Variants in MED12L observed in about 807,000 individuals in gnomAD.
MED12L encodes the protein mediator of RNA polymerase II transcription subunit 12-like protein.
A neutral mutation model predicts 281.3 loss-of-function variants in MED12L; 60 were observed. That is an observed-to-expected ratio of 0.21 (90% CI 0.17 to 0.26). The LOEUF (loss-of-function observed/expected upper bound fraction) is 0.26, where lower values mean the gene tolerates loss of function less well. Among genes scored for constraint, MED12L ranks in the 10% least tolerant of loss-of-function variants. The pLI is 1.00. For missense variants in MED12L, 2,146 were observed against 2,680.9 expected, an observed-to-expected ratio of 0.80 and a Z score of 4.41; for synonymous variants, 974 against 987.2, an observed-to-expected ratio of 0.99 and a Z score of 0.25.
At chr3:151,318,520 A>T (rs549454827) in intron 16 of MED12L, among the ~76,000 whole-genome samples, 65 of 152,096 alleles carry the variant, frequency 4.3e-4, no homozygotes, top group Non-Finnish European at 8.1e-4. Flanking sequence ...TTGACATTTT[A>T]CTGCCAGAAC....
chr3:151,398,770 G>T (rs1471054914), intron 39 of MED12L, among the ~76,000 whole-genome samples: 1 of 152,162 alleles, frequency 6.6e-6, no homozygotes, highest in African/African-American at 2.4e-5. Flanking sequence ...AAGACCTTCA[G>T]TGATTGCTGA....
chr3:151,348,880 C>G (rs1160572798), intron 16 of MED12L, among the ~76,000 whole-genome samples: 2 of 152,140 alleles, frequency 1.3e-5, no homozygotes, highest in African/African-American at 4.8e-5. Context: ...TTGGACTTCT[C>G]CTAGTCTGAG....
intron 5 of MED12L, among the ~76,000 whole-genome samples, chr3:151,145,753 C>G (rs1368959409): frequency 6.6e-6 from 1 of 152,196 alleles, no homozygotes; most frequent in African/African-American, 2.4e-5. Flanking sequence ...CCCTGCCACC[C>G]CTCCCCAGCT....
intron 39 of MED12L, among the ~76,000 whole-genome samples, chr3:151,398,145 T>C (rs567295537): frequency 2.0e-5 from 3 of 152,242 alleles, no homozygotes; most frequent in South Asian, 2.1e-4. Context: ...AGTTTCTTAG[T>C]AGCCTTAATC....
intron 2 of MED12L, among the ~76,000 whole-genome samples, chr3:151,088,523 T>G (rs1275082210): frequency 6.6e-6 from 1 of 152,192 alleles, no homozygotes; most frequent in East Asian, 1.9e-4. Flanking sequence ...TTGTAATTAA[T>G]GTCTTACTCT....
chr3:151,435,512 A>C lies in MED12L; in HGVS notation c.*2708A>C, dbSNP rs2108510170. 1 of 152,270 alleles carries C rather than the reference A, an allele frequency of 6.6e-6. No homozygotes were observed. Among genetic ancestry groups the C allele is most frequent in the South Asian group, 2.1e-4 (1 of 4,818 alleles). 9.4% of individuals were successfully genotyped at this position (152,270 alleles called of 1,614,324 possible). On this transcript the variant is annotated 3_prime_UTR_variant, in exon 45 of 45. Transcript: ENST00000687756. ...GATGAAAACCCAAGGGCGCTATTCC[A>C]CATGTCTCAAATGATTGGCAGGGGC...
At position 151,434,254 on chromosome 3, in the gene MED12L, G is replaced by A. The variant is rs1364960467; in HGVS notation, c.*1450G>A. On this transcript the variant is annotated 3_prime_UTR_variant, in exon 45 of 45. Transcript: ENST00000687756. ...TTAAAATGTAGCTAGTACAACTTTA[G>A]TAGACATTTTCTTTTGCAAATCATT... The A allele has an allele frequency of 1.3e-5, 2 of 152,080 alleles. No homozygotes were observed. The highest frequency in any genetic ancestry group is 2.9e-5 in the Non-Finnish European group (2 of 68,024). 9.4% of individuals were successfully genotyped at this position (152,080 alleles called of 1,614,324 possible).
At position 151,144,492 on chromosome 3, in the gene MED12L, C is replaced by T. The variant is rs531076631; in HGVS notation, c.557-11669C>T. Among the ~76,000 whole-genome samples the T allele has an allele frequency of 3.3e-5, 5 of 152,272 alleles. No homozygotes were observed. The South Asian group carries it at 1.0e-3, about 32-fold the overall frequency. On this transcript the variant is annotated intron_variant, in intron 5 of 44. Transcript: ENST00000687756. ...GTGCTCTTGTCAGACCCTCCCTTGT[C>T]GACCCCTCTCCCCTATTTTTGTATC...
At position 151,337,655 on chromosome 3, in the gene MED12L, A is replaced by G. The variant is rs943018779; in HGVS notation, c.2251-12404A>G. The G allele has an allele frequency of 1.7e-5, 12 of 696,490 alleles. No individual in the cohort carries two copies. In the Admixed American group the frequency reaches 2.4e-4, roughly 14 times the overall value. 43.1% of individuals were successfully genotyped at this position (696,490 alleles called of 1,614,324 possible). A position where few individuals can be genotyped will look rare whatever the true frequency, so the allele number is the denominator to read the frequency against. ...TTTCTATATTTTAAGATAGCTTTTC[A>G]TACTGGAAAGGTAAATGAAAATTGC... On this transcript the variant is annotated intron_variant, in intron 16 of 44. Coordinates refer to ENST00000687756, the MANE Select transcript of MED12L (RefSeq NM_001393769.1).
At chr3:151,295,116 CAA>C in intron 16 of MED12L, 1 of 1,613,584 alleles carries the variant, frequency 6.2e-7, no homozygotes, top group Non-Finnish European at 8.5e-7. Flanking sequence ...ACCGGCAAGA[CAA>C]TTGTGTCAAA....
At chr3:151,370,402 A>T (rs1222693324) in intron 26 of MED12L, among the ~76,000 whole-genome samples, 1 of 152,158 alleles carries the variant, frequency 6.6e-6, no homozygotes, top group East Asian at 1.9e-4. Context: ...TTTGGGCTAT[A>T]ATCTTGCTCT....
At chr3:151,100,946 A>G (rs1721314131) in intron 2 of MED12L, among the ~76,000 whole-genome samples, 1 of 152,226 alleles carries the variant, frequency 6.6e-6, no homozygotes. Context: ...GTGGCGAAGG[A>G]TCAGTTTTTA....
intron 39 of MED12L, among the ~76,000 whole-genome samples, chr3:151,403,168 A>G (rs1300508746): frequency 6.6e-6 from 1 of 152,168 alleles, no homozygotes; most frequent in Admixed American, 6.5e-5. Flanking sequence ...AGAATCATGA[A>G]TGCATTGACC....
intron 2 of MED12L, among the ~76,000 whole-genome samples, chr3:151,090,442 C>T (rs73012978): frequency 0.048 from 7,314 of 152,156 alleles, 599 homozygotes; most frequent in African/African-American, 0.17. Flanking sequence ...ATCTTGCCAT[C>T]TCCCCCTAAT....
chr3:151,406,871 G>A (rs1254391964), intron 39 of MED12L, among the ~76,000 whole-genome samples: 3 of 150,100 alleles, frequency 2.0e-5, no homozygotes, highest in Non-Finnish European at 3.0e-5. Flanking sequence ...CACGATCTTG[G>A]CTCACTGCAA....
chr3:151,434,320 T>A lies in MED12L; in HGVS notation c.*1516T>A, dbSNP rs1472017120. The A allele has an allele frequency of 6.6e-6, 1 of 152,196 alleles. No individual in the cohort carries two copies. Among genetic ancestry groups the A allele is most frequent in the Non-Finnish European group, 1.5e-5 (1 of 68,036 alleles). The allele number at this position is 152,196 out of a possible 1,614,324, so 9.4% of individuals were successfully genotyped here. A position where few individuals can be genotyped will look rare whatever the true frequency, so the allele number is the denominator to read the frequency against. Reference sequence around the variant, plus strand: ...ATATCTTCCTGGGTGAGTTACTCATTGCAAAGTTTGACTCATGCAAATGAC... The same window carrying A: ...ATATCTTCCTGGGTGAGTTACTCATAGCAAAGTTTGACTCATGCAAATGAC... On this transcript the variant is annotated 3_prime_UTR_variant, in exon 45 of 45. Coordinates refer to ENST00000687756, the MANE Select transcript of MED12L (RefSeq NM_001393769.1).
intron 16 of MED12L, among the ~76,000 whole-genome samples, chr3:151,243,080 G>C (rs1734559082): frequency 6.6e-6 from 1 of 151,050 alleles, no homozygotes; most frequent in Admixed American, 6.6e-5. Flanking sequence ...AGAATAAAAA[G>C]AAATGAGCAA....
At chr3:151,314,484 A>G (rs926489823) in intron 16 of MED12L, among the ~76,000 whole-genome samples, 2 of 152,178 alleles carry the variant, frequency 1.3e-5, no homozygotes, top group African/African-American at 4.8e-5. Context: ...CCTGCTTTAG[A>G]TAGTTACAAG....
intron 5 of MED12L, among the ~76,000 whole-genome samples, chr3:151,151,867 T>G (rs1430864368): frequency 2.6e-5 from 4 of 152,126 alleles, no homozygotes; most frequent in Admixed American, 2.6e-4. Context: ...ACCTTCAGTT[T>G]CTTAAAAAAT....
Sources: allele counts gnomAD v4.1 joint callset (sites outside exome capture counted in the v4.1 genomes callset), GRCh38; gene constraint gnomAD v4.1.1; transcripts MANE v1.5; gene names NCBI Gene and HGNC (gene_info 2026-07-23, HGNC 2026-07-21).